The following TRAPPC9 variants were observed in gnomAD, a reference collection of about 807,000 sequenced individuals.
TRAPPC9 encodes IKK2 binding protein.
TRAPPC9 carries 83 observed loss-of-function variants against 124.0 expected under a neutral mutation model. That is an observed-to-expected ratio of 0.67 (90% CI 0.56 to 0.80). TRAPPC9 has a LOEUF of 0.80. Among genes scored for constraint, TRAPPC9 ranks in the 30% least tolerant of loss-of-function variants. TRAPPC9 has a pLI of 0.00. For missense variants in TRAPPC9, 1,302 were observed against 1,508.3 expected, an observed-to-expected ratio of 0.86 and a Z score of 2.27; for synonymous variants, 638 against 617.5, an observed-to-expected ratio of 1.03 and a Z score of -0.49.
In TRAPPC9 at chr8:140,351,125, G is replaced by A. The variant is rs557542355; in HGVS notation, c.1495+8925C>T. 4.0e-5 allele frequency among the ~76,000 whole-genome samples: 6 copies of A among 149,200 alleles called. No individual in the cohort carries two copies. In the East Asian group the frequency reaches 8.6e-4, roughly 21 times the overall value. Reference sequence around the variant, plus strand: ...ATTCCAGGGCTGGGCCGGAACAACCGCGTGGGTAGTCAGGTAAAGGATGAG... The same window carrying A: ...ATTCCAGGGCTGGGCCGGAACAACCACGTGGGTAGTCAGGTAAAGGATGAG... On this transcript the variant is annotated intron_variant, in intron 9 of 22. Coordinates refer to ENST00000438773, the MANE Select transcript of TRAPPC9 (RefSeq NM_001160372.4).
intron 17 of TRAPPC9, among the ~76,000 whole-genome samples, chr8:140,083,560 T>C (rs1037649491): frequency 1.3e-5 from 2 of 151,338 alleles, no homozygotes. Context: ...AGCTGGGAGG[T>C]CTTGGCCAAA....
At chr8:139,989,277 G>C (rs1011616327) in intron 18 of TRAPPC9, among the ~76,000 whole-genome samples, 1 of 151,680 alleles carries the variant, frequency 6.6e-6, no homozygotes, top group Non-Finnish European at 1.5e-5. Context: ...TTCCACGCTG[G>C]GCCCTGAAGC....
At chr8:140,234,266 T>C (rs1379675429) in intron 16 of TRAPPC9, among the ~76,000 whole-genome samples, 1 of 152,152 alleles carries the variant, frequency 6.6e-6, no homozygotes, top group Non-Finnish European at 1.5e-5. Context: ...AACAACTTCA[T>C]CCAGAAACCA....
intron 19 of TRAPPC9, chr8:139,933,374 T>C (rs560664280): frequency 6.6e-6 from 1 of 152,022 alleles, no homozygotes; most frequent in Admixed American, 6.6e-5. Flanking sequence ...AAGGGAGATA[T>C]CATCTCTCCT....
intron 17 of TRAPPC9, among the ~76,000 whole-genome samples, chr8:140,201,094 A>G: frequency 6.6e-6 from 1 of 152,188 alleles, no homozygotes; most frequent in South Asian, 2.1e-4. Flanking sequence ...CCAGGCCTCT[A>G]AGAGTCCAGA....
At chr8:140,173,475 A>G (rs1013953394) in intron 17 of TRAPPC9, among the ~76,000 whole-genome samples, 5 of 148,086 alleles carry the variant, frequency 3.4e-5, no homozygotes, top group African/African-American at 1.3e-4. Flanking sequence ...AATGGCGTGA[A>G]CCCAGGACGT....
At chr8:140,193,706 A>G (rs1563834141) in intron 17 of TRAPPC9, among the ~76,000 whole-genome samples, 2 of 151,184 alleles carry the variant, frequency 1.3e-5, no homozygotes, top group Non-Finnish European at 2.9e-5. Flanking sequence ...AAACCAGTCC[A>G]CAGGAGGCCC....
chr8:139,812,044 T>A (rs978808332), intron 21 of TRAPPC9, among the ~76,000 whole-genome samples: 1 of 152,114 alleles, frequency 6.6e-6, no homozygotes, highest in Non-Finnish European at 1.5e-5. Flanking sequence ...TCAGGCCACA[T>A]GGAAGCAGGA....
chr8:139,785,624 G>A (rs983673141), intron 21 of TRAPPC9, among the ~76,000 whole-genome samples: 1 of 151,924 alleles, frequency 6.6e-6, no homozygotes, highest in Non-Finnish European at 1.5e-5. Flanking sequence ...AGCTACTCGG[G>A]AGGCTGAGGC....
At chr8:139,837,865 C>T (rs1056428341) in intron 21 of TRAPPC9, among the ~76,000 whole-genome samples, 1 of 152,132 alleles carries the variant, frequency 6.6e-6, no homozygotes, top group African/African-American at 2.4e-5. Flanking sequence ...GTCCACAGGG[C>T]TGGCATGGCA....
At chr8:140,124,704 G>GGGGGAGGACCCTCATT (rs55793913) in intron 17 of TRAPPC9, among the ~76,000 whole-genome samples, 2 of 143,222 alleles carry the variant, frequency 1.4e-5, no homozygotes, top group African/African-American at 5.9e-5. Context: ...AGACCCTCGC[G>GGGGGAGGACCCTCATT]GGGGAGGACC....
In TRAPPC9 at chr8:140,407,430, G is replaced by C. The variant is rs78174167; in HGVS notation, c.887-1732C>G. On this transcript the variant is annotated intron_variant, in intron 5 of 22. Transcript: ENST00000438773. ...TTCCCTTGGAGAAATGGTGGGGGGGGGCGGGTCAGAATGAGGTGGGTTTTT... is the reference window on the plus strand; with the variant it reads ...TTCCCTTGGAGAAATGGTGGGGGGGCGCGGGTCAGAATGAGGTGGGTTTTT... Among the ~76,000 whole-genome samples, 40 of 151,718 alleles carry C rather than the reference G, an allele frequency of 2.6e-4. No individual in the cohort carries two copies. The East Asian group carries it at 7.3e-3, about 28-fold the overall frequency.
chr8:140,401,271 T>C (rs1463014673), intron 6 of TRAPPC9, among the ~76,000 whole-genome samples: 1 of 152,228 alleles, frequency 6.6e-6, no homozygotes, highest in Non-Finnish European at 1.5e-5. Context: ...GTTTTATAAT[T>C]ACTATGTCAG....
intron 21 of TRAPPC9, among the ~76,000 whole-genome samples, chr8:139,879,409 G>C (rs969796108): frequency 2.6e-5 from 4 of 152,156 alleles, no homozygotes; most frequent in Admixed American, 1.3e-4. Context: ...CATAGTGAGG[G>C]GCAGACAAAA....
intron 16 of TRAPPC9, among the ~76,000 whole-genome samples, chr8:140,228,865 G>T (rs1263718919): frequency 6.6e-6 from 1 of 152,146 alleles, no homozygotes; most frequent in East Asian, 1.9e-4. Context: ...CACACTTTGA[G>T]GGTAGGGGGG....
At chr8:139,864,289 G>A (rs571492454) in intron 21 of TRAPPC9, among the ~76,000 whole-genome samples, 2 of 152,038 alleles carry the variant, frequency 1.3e-5, no homozygotes, top group African/African-American at 2.4e-5. Context: ...CTCTTTCCAC[G>A]TCCGTCCTTC....
intron 17 of TRAPPC9, among the ~76,000 whole-genome samples, chr8:140,092,202 C>CTTT (rs59459486): frequency 8.2e-5 from 11 of 134,068 alleles, no homozygotes; most frequent in African/African-American, 2.8e-4. Context: ...TTTAATTTTT[C>CTTT]TTTTTTTTTT....
intron 9 of TRAPPC9, among the ~76,000 whole-genome samples, chr8:140,329,830 T>C (rs530547893): frequency 6.6e-6 from 1 of 152,140 alleles, no homozygotes; most frequent in Non-Finnish European, 1.5e-5. Context: ...CCTGTAATCA[T>C]ACTTTGGGAG....
intron 21 of TRAPPC9, among the ~76,000 whole-genome samples, chr8:139,837,564 C>T (rs990944361): frequency 2.6e-5 from 4 of 152,238 alleles, no homozygotes; most frequent in Non-Finnish European, 5.9e-5. Context: ...CCTCGGTCTG[C>T]TCTCACTGGG....
Sources: gnomAD v4.1 joint callset for allele counts (sites outside exome capture counted in the v4.1 genomes callset) on GRCh38, gnomAD v4.1.1 for gene constraint, MANE v1.5 for transcripts, NCBI Gene and HGNC (gene_info 2026-07-23, HGNC 2026-07-21) for gene names.